The following SENP1 variants were observed in gnomAD, a reference collection of about 807,000 sequenced individuals.
SENP1 encodes sentrin-specific protease 1.
Under a neutral mutation model 93.0 loss-of-function variants are expected in SENP1, and 21 were observed. That is an observed-to-expected ratio of 0.23 (90% CI 0.16 to 0.33). SENP1 has a LOEUF of 0.33. Among genes scored for constraint, SENP1 ranks in the 10% least tolerant of loss-of-function variants. The probability of loss-of-function intolerance (pLI) is 1.00; values close to 1 mark genes in which losing one functional copy is unlikely to be tolerated. For synonymous variants in SENP1, 256 were observed against 259.6 expected, an observed-to-expected ratio of 0.99 and a Z score of 0.13; for missense variants, 591 against 758.7, an observed-to-expected ratio of 0.78 and a Z score of 2.60.
At chr12:48,096,987 A>G (rs1945613440) in intron 3 of SENP1, among the ~76,000 whole-genome samples, 1 of 152,000 alleles carries the variant, frequency 6.6e-6, no homozygotes, top group Admixed American at 6.6e-5. Flanking sequence ...ACTCAATATA[A>G]TTATATTTAT....
chr12:48,093,777 C>T (rs1945374261), intron 4 of SENP1, among the ~76,000 whole-genome samples: 1 of 148,712 alleles, frequency 6.7e-6, no homozygotes, highest in Non-Finnish European at 1.5e-5. Context: ...TTAGCCTGGA[C>T]AACATGGCGA....
chr12:48,062,480 G>A (rs1025781574), intron 13 of SENP1, among the ~76,000 whole-genome samples: 2 of 152,176 alleles, frequency 1.3e-5, no homozygotes, highest in Admixed American at 6.5e-5. Flanking sequence ...AGGGAGTGAT[G>A]AGCTTCTGAA....
intron 2 of SENP1, among the ~76,000 whole-genome samples, 187 bp downstream of exon 2, chr12:48,101,282 T>C (rs1271159085): frequency 6.6e-6 from 1 of 152,184 alleles, no homozygotes; most frequent in Non-Finnish European, 1.5e-5. Context: ...CAAGACTACG[T>C]TTCAAAAATA....
chr12:48,053,590 GCTT>G (rs1941987175), intron 13 of SENP1, among the ~76,000 whole-genome samples: 2 of 151,504 alleles, frequency 1.3e-5, no homozygotes, highest in South Asian at 4.2e-4. Context: ...ATAAAGTTTT[GCTT>G]CTTATTTTAT....
intron 13 of SENP1, among the ~76,000 whole-genome samples, chr12:48,063,285 T>C (rs1234685462): frequency 1.3e-5 from 2 of 152,184 alleles, no homozygotes; most frequent in African/African-American, 4.8e-5. Context: ...ATATAAGTGA[T>C]CTAAAATGAG....
At chr12:48,061,049 T>C (rs1257441078) in intron 13 of SENP1, among the ~76,000 whole-genome samples, 1 of 152,224 alleles carries the variant, frequency 6.6e-6, no homozygotes, top group Non-Finnish European at 1.5e-5. Flanking sequence ...ATAGGTACTG[T>C]GGTCACTCTT....
In SENP1 at chr12:48,096,334, G is replaced by A. The variant is rs369716477; in HGVS notation, c.220+9C>T. The A allele has an allele frequency of 9.6e-5, 147 of 1,533,684 alleles. No homozygotes were observed. Among genetic ancestry groups the A allele is most frequent in the Middle Eastern group, 1.7e-4 (1 of 5,936 alleles). On this transcript the variant is annotated intron_variant, in intron 4 of 17. Transcript: ENST00000549518. The stretch of plus-strand genomic sequence containing the variant: ...ATAAAGTCCCTTGACTCCAAGTAAT[G>A]TGTCATACCTGAGTAATAGCTTGGA...
intron 13 of SENP1, among the ~76,000 whole-genome samples, chr12:48,062,092 T>A (rs1942996527): frequency 6.6e-6 from 1 of 152,174 alleles, no homozygotes; most frequent in Non-Finnish European, 1.5e-5. Flanking sequence ...ATGCTGTCTC[T>A]GTAAGGAATC....
intron 13 of SENP1, among the ~76,000 whole-genome samples, chr12:48,052,371 G>GA (rs1159688565): frequency 5.9e-5 from 9 of 152,102 alleles, no homozygotes; most frequent in African/African-American, 2.2e-4. Context: ...ATTAGCTTGA[G>GA]AAAAAATGTT....
At chr12:48,091,046 T>C (rs1313598471) in intron 4 of SENP1, among the ~76,000 whole-genome samples, 1 of 152,106 alleles carries the variant, frequency 6.6e-6, no homozygotes, top group East Asian at 1.9e-4. Context: ...AAAATTTAAT[T>C]GTGGTTATGT....
intron 13 of SENP1, among the ~76,000 whole-genome samples, chr12:48,056,468 A>ATTATTT (rs1565744043): frequency 2.9e-5 from 3 of 104,812 alleles, no homozygotes; most frequent in African/African-American, 1.3e-4. Context: ...TTACATATAT[A>ATTATTT]AATATATTAT....
At chr12:48,088,726 A>G (rs1314194900) in intron 5 of SENP1, 75 bp downstream of exon 5, 2 of 1,370,548 alleles carry the variant, frequency 1.5e-6, no homozygotes, top group Non-Finnish European at 2.0e-6. Flanking sequence ...TCCCAATGTA[A>G]TAACTATCTA....
intron 1 of SENP1, among the ~76,000 whole-genome samples, chr12:48,104,431 T>C (rs1946296867): frequency 6.6e-6 from 1 of 152,148 alleles, no homozygotes; most frequent in Non-Finnish European, 1.5e-5. Context: ...TACAATAGTT[T>C]GTACTATATC....
At chr12:48,064,732 G>A (rs141958889) in intron 12 of SENP1, among the ~76,000 whole-genome samples, 28 of 152,130 alleles carry the variant, frequency 1.8e-4, no homozygotes, top group East Asian at 1.2e-3. Flanking sequence ...GCTGAAGTAC[G>A]GTGGCATGAT....
intron 13 of SENP1, among the ~76,000 whole-genome samples, chr12:48,059,083 T>C (rs1397685294): frequency 6.6e-6 from 1 of 152,200 alleles, no homozygotes; most frequent in African/African-American, 2.4e-5. Context: ...TTACTATACA[T>C]TTTAGCATGG....
rs1944788719 is a variant in SENP1, at chr12:48,085,436, G to C, written c.381-1674C>G. On this transcript the variant is annotated intron_variant, in intron 5 of 17. Transcript: ENST00000549518. ...ACCTGTGCTAGGGTCTTTGTGTGAG[G>C]ACTCCTCACAGCCCTCAGCCCTTCC... The C allele has an allele frequency of 5.5e-6, 5 of 913,886 alleles. No homozygotes were observed. In the Admixed American group the frequency reaches 1.0e-4, roughly 18 times the overall value. The allele number at this position is 913,886 out of a possible 1,614,324, so 56.6% of individuals were successfully genotyped here.
chr12:48,105,985 C>A (rs1402210071), intron 1 of SENP1, 43 bp downstream of exon 1: 2 of 700,132 alleles, frequency 2.9e-6, no homozygotes, highest in African/African-American at 3.5e-5. Context: ...GGACCAGGCT[C>A]CCTCCATCCT....
At chr12:48,057,286 G>C (rs1293447706) in intron 13 of SENP1, among the ~76,000 whole-genome samples, 2 of 146,928 alleles carry the variant, frequency 1.4e-5, no homozygotes, top group Non-Finnish European at 3.0e-5. Flanking sequence ...TTGGAGTGCA[G>C]TGGTGTGATC....
intron 6 of SENP1, among the ~76,000 whole-genome samples, chr12:48,078,366 T>A (rs200683222): frequency 1.8e-5 from 2 of 112,238 alleles, no homozygotes; most frequent in South Asian, 3.2e-4. Flanking sequence ...CACACACACA[T>A]ACACATATAT....
Sources: allele counts gnomAD v4.1 joint callset (sites outside exome capture counted in the v4.1 genomes callset), GRCh38; gene constraint gnomAD v4.1.1; transcripts MANE v1.5; gene names NCBI Gene and HGNC (gene_info 2026-07-23, HGNC 2026-07-21).